Variants in TRPA1 observed in about 807,000 individuals in gnomAD.
The protein encoded by TRPA1 is transient receptor potential cation channel subfamily A member 1, also known as ankyrin-like with transmembrane domains 1.
Under a neutral mutation model 131.3 loss-of-function variants are expected in TRPA1, and 129 were observed. The observed-to-expected ratio is 0.98, with a 90% CI of 0.85 to 1.14. The LOEUF is 1.14. Ranked by LOEUF, TRPA1 falls within the 50% of genes most tolerant of loss-of-function variation. TRPA1 has a pLI of 0.00. For missense variants in TRPA1, 1,304 were observed against 1,354.2 expected, an observed-to-expected ratio of 0.96 and a Z score of 0.58; for synonymous variants, 441 against 451.7, an observed-to-expected ratio of 0.98 and a Z score of 0.30.
chr8:72,022,493 C>T lies in TRPA1; in HGVS notation c.*413G>A. The T allele has an allele frequency of 3.1e-6, 1 of 322,300 alleles. No homozygotes were observed. The allele number at this position is 322,300 out of a possible 1,614,324, so 20.0% of individuals were successfully genotyped here. A position where few individuals can be genotyped will look rare whatever the true frequency, so the allele number is the denominator to read the frequency against. On this transcript the variant is annotated 3_prime_UTR_variant, in exon 27 of 27. Transcript: ENST00000262209. ...TAATATTTAAGACTATCATCTAAGGCATTATTAATACTTGTGACTATTTTC... is the reference window on the plus strand; with the variant it reads ...TAATATTTAAGACTATCATCTAAGGTATTATTAATACTTGTGACTATTTTC...
rs566282020 is a variant in TRPA1, at chr8:72,067,564, T to C, written c.444+1459A>G. 4.4e-4 allele frequency among the ~76,000 whole-genome samples: 67 copies of C among 152,312 alleles called. No homozygotes were observed. In the South Asian group the frequency reaches 0.013, roughly 30 times the overall value. Reference sequence around the variant, plus strand: ...GAGATTTCTGCTTTCTAATTAACAATAGTCTTTCAACAGTTACCTATCTTC... The same window carrying C: ...GAGATTTCTGCTTTCTAATTAACAACAGTCTTTCAACAGTTACCTATCTTC... On this transcript the variant is annotated intron_variant, in intron 3 of 26. Transcript: ENST00000262209.
Position 72,055,615 on chromosome 8 carries a change from G to A in TRPA1, c.1365-15C>T. On this transcript the variant is annotated splice_polypyrimidine_tract_variant and intron_variant, in intron 11 of 26. Coordinates refer to ENST00000262209, the MANE Select transcript of TRPA1 (RefSeq NM_007332.3). ...TACGCCCATAACTTGGAAAAAATTA[G>A]GTTTCATATTTTCAAGGCAAATATT... The A allele has an allele frequency of 6.2e-7, 1 of 1,613,248 alleles. No homozygotes were observed. The highest frequency in any genetic ancestry group is 8.5e-7 in the Non-Finnish European group (1 of 1,179,452).
chr8:72,052,998 A>T lies in TRPA1; in HGVS notation c.1645-233T>A, dbSNP rs201067965. On this transcript the variant is annotated intron_variant, in intron 13 of 26. Coordinates refer to ENST00000262209, the MANE Select transcript of TRPA1 (RefSeq NM_007332.3). ...GTGTGTGTGTGTGTGTGTGTGTGAG[A>T]GATAGAGAAAGAGAGAGAGAGAGAG... 1,259 of 258,200 alleles carry T rather than the reference A, an allele frequency of 4.9e-3. 6 individuals carry two copies. Among genetic ancestry groups the T allele is most frequent in the African/African-American group, 0.02 (488 of 24,584 alleles). 16.0% of individuals were successfully genotyped at this position (258,200 alleles called of 1,614,324 possible).
At chr8:72,088,365 A>ATT in the TRPA1 span, among the ~76,000 whole-genome samples, 2 of 77,380 alleles carry the variant, frequency 2.6e-5, no homozygotes, top group African/African-American at 4.2e-5. Flanking sequence ...TTCTTTGAAA[A>ATT]CTTTTTTTTT....
chr8:72,054,316 G>T, intron 12 of TRPA1: 1 of 195,184 alleles, frequency 5.1e-6, no homozygotes. Context: ...CTAGTAATAT[G>T]ATACATGGCT....
chr8:72,065,647 C>T, intron 3 of TRPA1, 89 bp from the exon 4 acceptor site: 1 of 890,436 alleles, frequency 1.1e-6, no homozygotes, highest in Non-Finnish European at 1.8e-6. Context: ...TTTCAAATAC[C>T]AGGGACCATG....
At chr8:72,083,669 G>C in the TRPA1 span, among the ~76,000 whole-genome samples, 6 of 152,074 alleles carry the variant, frequency 3.9e-5, no homozygotes, top group African/African-American at 1.4e-4. Flanking sequence ...CATGAACCCT[G>C]GAGGCGGAGC....
intron 20 of TRPA1, among the ~76,000 whole-genome samples, chr8:72,037,212 A>G (rs1388250724): frequency 6.6e-6 from 1 of 152,290 alleles, no homozygotes; most frequent in African/African-American, 2.4e-5. Context: ...AATGCAAACC[A>G]TTATTATCAA....
intron 17 of TRPA1, among the ~76,000 whole-genome samples, chr8:72,042,525 A>G (rs1480025891): frequency 1.3e-5 from 2 of 151,920 alleles, no homozygotes; most frequent in African/African-American, 2.4e-5. Flanking sequence ...AGAAATTAAA[A>G]ATAGAATCAC....
rs1267665523 is a variant in TRPA1, at chr8:72,049,749, A to C, written c.1905+1029T>G. Reference sequence around the variant, plus strand: ...AAATGAAAGAACCATGCCAGGCATAAGAGCTTTTTTCCATTGTTCTTGAGA... The same window carrying C: ...AAATGAAAGAACCATGCCAGGCATACGAGCTTTTTTCCATTGTTCTTGAGA... On this transcript the variant is annotated intron_variant, in intron 15 of 26. Transcript: ENST00000262209. Among the ~76,000 whole-genome samples, 3 of 152,306 alleles carry C rather than the reference A, an allele frequency of 2.0e-5. No homozygotes were observed. In the East Asian group the frequency reaches 5.8e-4, roughly 29 times the overall value.
At chr8:72,037,864 G>T in intron 20 of TRPA1, 119 bp downstream of exon 20, 2 of 696,372 alleles carry the variant, frequency 2.9e-6, no homozygotes, top group Non-Finnish European at 2.6e-6. Context: ...TAATCTATAT[G>T]GTAGTCAAGC....
chr8:72,038,535 T>C (rs547905556), intron 19 of TRPA1, among the ~76,000 whole-genome samples: 1 of 152,194 alleles, frequency 6.6e-6, no homozygotes, highest in South Asian at 2.1e-4. Flanking sequence ...AAAGCATCTC[T>C]CCCCATTTCC....
chr8:72,034,387 T>TAAAA lies in TRPA1; in HGVS notation c.2556-14_2556-11dup. ...TCCACAATTTTCAAATCTAGAAAAGTAAAAAAAAAAAAATTTACTCACTTT... is the reference window on the plus strand; with the variant it reads ...TCCACAATTTTCAAATCTAGAAAAGTAAAAAAAAAAAAAAAAATTTACTCACTTT... On this transcript the variant is annotated splice_polypyrimidine_tract_variant and intron_variant, in intron 21 of 26. Transcript: ENST00000262209. 1 of 1,161,570 alleles carries TAAAA rather than the reference T, an allele frequency of 8.6e-7. No homozygotes were observed. The highest frequency in any genetic ancestry group is 1.6e-5 in the South Asian group (1 of 63,382). The allele number at this position is 1,161,570 out of a possible 1,614,324, so 72.0% of individuals were successfully genotyped here. A position where few individuals can be genotyped will look rare whatever the true frequency, so the allele number is the denominator to read the frequency against.
chr8:72,048,680 C>T (rs926450642), intron 15 of TRPA1, among the ~76,000 whole-genome samples: 3 of 152,064 alleles, frequency 2.0e-5, no homozygotes, highest in African/African-American at 7.2e-5. Flanking sequence ...ATTTCAAATG[C>T]ATTATGTCCG....
At chr8:72,044,267 C>T (rs982697435) in intron 17 of TRPA1, among the ~76,000 whole-genome samples, 19 of 150,212 alleles carry the variant, frequency 1.3e-4, no homozygotes, top group African/African-American at 4.4e-4. Context: ...TAAACTTCCA[C>T]GTAGATTTGA....
intron 5 of TRPA1, 39 bp downstream of exon 5, chr8:72,063,424 C>T: frequency 7.1e-7 from 1 of 1,404,922 alleles, no homozygotes. Flanking sequence ...CCAAAATAGA[C>T]TTATTTATAG....
upstream of TRPA1, among the ~76,000 whole-genome samples, chr8:72,080,073 A>C (rs1806260043): frequency 6.6e-6 from 1 of 151,864 alleles, no homozygotes; most frequent in Admixed American, 6.6e-5. Flanking sequence ...AGAATCTTAA[A>C]CATATAAGAC....
At chr8:72,080,883 G>T in the TRPA1 span, among the ~76,000 whole-genome samples, 181 of 151,542 alleles carry the variant, frequency 1.2e-3, no homozygotes, top group Non-Finnish European at 2.3e-3. Flanking sequence ...TTTCTTGTAG[G>T]GTGTGTAATA....
rs13249568 is a variant in TRPA1 at position 72,036,974 on chromosome 8, T to A, written c.2386-517A>T. 6.6e-5 allele frequency among the ~76,000 whole-genome samples: 10 copies of A among 152,194 alleles called. No individual in the cohort carries two copies. The South Asian group carries it at 8.3e-4, about 13-fold the overall frequency. On this transcript the variant is annotated intron_variant, in intron 20 of 26. Transcript: ENST00000262209. ...ATAGAGTAGGCCACTTAAATATCAA[T>A]AAGAAAATGTGGAGATCAAATCTGA...
Sources: allele counts gnomAD v4.1 joint callset (sites outside exome capture counted in the v4.1 genomes callset), GRCh38; gene constraint gnomAD v4.1.1; transcripts MANE v1.5; gene names NCBI Gene and HGNC (gene_info 2026-07-23, HGNC 2026-07-21).